Variants in TMEM276 observed in about 807,000 individuals in gnomAD.
TMEM276 encodes transmembrane protein 276.
chr8:144,463,831 C>T, the TMEM276 span: 2 of 1,302,586 alleles, frequency 1.5e-6, no homozygotes, highest in Non-Finnish European at 1.9e-6. Flanking sequence ...CATATTCCTG[C>T]AAAATTCCTA....
the TMEM276 span, chr8:144,466,893 G>C: frequency 3.2e-6 from 5 of 1,546,210 alleles, no homozygotes; most frequent in African/African-American, 4.1e-5. Flanking sequence ...ACCTCCCAGG[G>C]AGGGGCGGAG....
the TMEM276 span, chr8:144,464,226 C>T: frequency 6.2e-7 from 1 of 1,613,102 alleles, no homozygotes; most frequent in South Asian, 1.1e-5. Context: ...GTAGCAGCAG[C>T]AGCCTGTCCT....
At chr8:144,465,031 C>G in the TMEM276 span, 2 of 1,535,732 alleles carry the variant, frequency 1.3e-6, no homozygotes, top group Non-Finnish European at 1.7e-6. Flanking sequence ...TTCCAGGTCC[C>G]CATTACTGGA....
the TMEM276 span, chr8:144,465,998 A>AG: frequency 2.8e-3 from 21 of 7,434 alleles, no homozygotes; most frequent in Non-Finnish European, 3.6e-3. Flanking sequence ...GGCTGCGAGG[A>AG]GGGGGGGTCT....
chr8:144,464,888 G>A, the TMEM276 span: 6 of 1,612,114 alleles, frequency 3.7e-6, no homozygotes, highest in African/African-American at 4.0e-5. Flanking sequence ...CTCGGCCCCC[G>A]GCTTGGGGGC....
At chr8:144,464,990 G>A in the TMEM276 span, 29 of 1,552,592 alleles carry the variant, frequency 1.9e-5, no homozygotes, top group South Asian at 2.3e-5. Context: ...GCGACCTGGA[G>A]CCCTACGCGC....
the TMEM276 span, chr8:144,463,899 C>G: frequency 2.4e-5 from 34 of 1,404,636 alleles, no homozygotes; most frequent in Non-Finnish European, 5.5e-6. Flanking sequence ...AGCCCAGAAT[C>G]AGGACCCCCA....
the TMEM276 span, chr8:144,465,239 G>A: frequency 8.7e-7 from 1 of 1,150,302 alleles, no homozygotes. Flanking sequence ...GGCGCTGCAG[G>A]CCCACGCGGC....
the TMEM276 span, chr8:144,465,249 C>A: frequency 5.3e-6 from 6 of 1,124,260 alleles, no homozygotes; most frequent in South Asian, 6.7e-5. Context: ...GCCCACGCGG[C>A]GGCCTCGGCC....
the TMEM276 span, chr8:144,464,425 A>C: frequency 6.2e-7 from 1 of 1,612,272 alleles, no homozygotes; most frequent in Non-Finnish European, 8.5e-7. Flanking sequence ...GCCTCCTCCC[A>C]GGAGCAGGTT....
the TMEM276 span, chr8:144,464,656 G>A: frequency 1.3e-6 from 2 of 1,578,508 alleles, no homozygotes; most frequent in Non-Finnish European, 1.7e-6. Flanking sequence ...AAAGAGGCCG[G>A]GGTCACCCTT....
At chr8:144,464,935 G>C in the TMEM276 span, 5 of 1,604,448 alleles carry the variant, frequency 3.1e-6, no homozygotes, top group Non-Finnish European at 4.2e-6. Context: ...CGAGGACACA[G>C]ATAGGAGATA....
At chr8:144,464,031 A>G in the TMEM276 span, 1 of 1,531,318 alleles carries the variant, frequency 6.5e-7, no homozygotes, top group Non-Finnish European at 8.8e-7. Flanking sequence ...TTCAGTAGGC[A>G]GAAGAGTCTA....
the TMEM276 span, chr8:144,465,363 G>C: frequency 3.8e-6 from 4 of 1,065,742 alleles, no homozygotes; most frequent in Non-Finnish European, 3.4e-6. Context: ...CGGGCTGCGC[G>C]GTCCCAACGC....
chr8:144,466,998 A>G, the TMEM276 span: 3 of 1,597,696 alleles, frequency 1.9e-6, no homozygotes, highest in Non-Finnish European at 2.6e-6. Flanking sequence ...GGCGCAGCCG[A>G]GGGCCGCGCG....
chr8:144,464,676 A>C, the TMEM276 span: 1 of 1,573,926 alleles, frequency 6.4e-7, no homozygotes, highest in East Asian at 2.2e-5. Context: ...TTTAAACAGG[A>C]AAGGGTTTGG....
chr8:144,466,552 C>T, the TMEM276 span: 7 of 1,092,244 alleles, frequency 6.4e-6, no homozygotes, highest in Non-Finnish European at 7.0e-6. Context: ...CCGTCGTCTC[C>T]CGCCGCCTGC....
chr8:144,466,585 CGGGGCG>C, the TMEM276 span: 1 of 940,266 alleles, frequency 1.1e-6, no homozygotes, highest in Non-Finnish European at 1.4e-6. Context: ...CCGAGGTTCC[CGGGGCG>C]GGGGCGGGCA....
At chr8:144,464,782 G>C in the TMEM276 span, 1 of 1,610,854 alleles carries the variant, frequency 6.2e-7, no homozygotes, top group South Asian at 1.1e-5. Context: ...ATGGGGATGC[G>C]CCCCTGCTCA....
Sources: gnomAD v4.1 joint callset for allele counts on GRCh38, gnomAD v4.1.1 for gene constraint, MANE v1.5 for transcripts, NCBI Gene and HGNC (gene_info 2026-07-23, HGNC 2026-07-21) for gene names.